Variants in SLC35F4 observed in about 807,000 individuals in gnomAD.
SLC35F4 encodes solute carrier family 35 member F4, also known as chromosome 14 open reading frame 36.
In SLC35F4, 24 loss-of-function variants were observed where a neutral mutation model predicts 44.2. The observed-to-expected ratio is 0.54, with a 90% confidence interval of 0.39 to 0.76. SLC35F4 has a LOEUF of 0.76. Among genes scored for constraint, SLC35F4 ranks in the 30% least tolerant of loss-of-function variants. The probability of loss-of-function intolerance (pLI) is 0.00; values close to 1 mark genes in which losing one functional copy is unlikely to be tolerated. For synonymous variants in SLC35F4, 238 were observed against 223.6 expected (o/e 1.06, Z -0.57); for missense variants, 562 against 586.1 (o/e 0.96, Z 0.42).
chr14:57,575,936 G>A (rs1245659963), intron 4 of SLC35F4, among the ~76,000 whole-genome samples: 1 of 152,044 alleles, frequency 6.6e-6, no homozygotes, highest in Non-Finnish European at 1.5e-5. Flanking sequence ...AGTTTGTACA[G>A]ATAAAGCCTA....
intron 4 of SLC35F4, among the ~76,000 whole-genome samples, chr14:57,574,436 C>G (rs1441344467): frequency 1.3e-5 from 2 of 152,012 alleles, no homozygotes; most frequent in Non-Finnish European, 2.9e-5. Context: ...GGGGGTCAGA[C>G]AATGCTGTTA....
chr14:57,579,758 G>A (rs1242711096), intron 4 of SLC35F4, among the ~76,000 whole-genome samples: 2 of 152,212 alleles, frequency 1.3e-5, no homozygotes, highest in Non-Finnish European at 2.9e-5. Flanking sequence ...AGTAGAGACA[G>A]CTGACTTCCT....
upstream of SLC35F4, among the ~76,000 whole-genome samples, chr14:57,866,995 A>ATAG (rs1888184531): frequency 6.9e-6 from 1 of 144,600 alleles, no homozygotes; most frequent in African/African-American, 2.6e-5. Flanking sequence ...AATAATAATA[A>ATAG]TAATAATTTT....
At chr14:57,742,571 A>T (rs553807139) in intron 1 of SLC35F4, among the ~76,000 whole-genome samples, 1 of 152,334 alleles carries the variant, frequency 6.6e-6, no homozygotes, top group East Asian at 1.9e-4. Context: ...AGATTCATAA[A>T]GCAAGTTCTT....
At chr14:57,701,649 C>A (rs549101425) in intron 1 of SLC35F4, among the ~76,000 whole-genome samples, 2 of 152,066 alleles carry the variant, frequency 1.3e-5, no homozygotes, top group South Asian at 2.1e-4. Context: ...ACCACTGTTG[C>A]GTATGTGGTC....
chr14:57,660,417 A>G (rs1407565698), intron 1 of SLC35F4, among the ~76,000 whole-genome samples: 1 of 151,660 alleles, frequency 6.6e-6, no homozygotes, highest in Non-Finnish European at 1.5e-5. Context: ...TGCTTCCATC[A>G]TGCTTCCTCA....
At position 57,786,384 on chromosome 14, in the gene SLC35F4, G is replaced by A. The variant is rs776991395; in HGVS notation, c.103+79339C>T. ...ATAATCTTGGGAGTTCTACGGCCCC[G>A]CCCACTGCTGGTCCCTCTCCACACT... On this transcript the variant is annotated intron_variant, in intron 1 of 7. Coordinates refer to ENST00000556826, the MANE Select transcript of SLC35F4 (RefSeq NM_001306087.2). Among the ~76,000 whole-genome samples the A allele has an allele frequency of 3.9e-5, 6 of 152,162 alleles. No homozygotes were observed. In the East Asian group the frequency reaches 5.8e-4, roughly 15 times the overall value.
intron 3 of SLC35F4, among the ~76,000 whole-genome samples, chr14:57,587,908 A>C (rs2069882059): frequency 1.4e-5 from 2 of 147,882 alleles, no homozygotes; most frequent in African/African-American, 4.9e-5. Context: ...AGTTGAGGCC[A>C]GGCACGCTGG....
At chr14:57,725,890 T>A (rs993738006) in intron 1 of SLC35F4, among the ~76,000 whole-genome samples, 9 of 152,206 alleles carry the variant, frequency 5.9e-5, no homozygotes, top group African/African-American at 2.2e-4. Flanking sequence ...AGTGATTCAC[T>A]AGCAAAATTT....
At chr14:57,689,748 G>A (rs2075172342) in intron 1 of SLC35F4, among the ~76,000 whole-genome samples, 1 of 127,918 alleles carries the variant, frequency 7.8e-6, no homozygotes. Context: ...GGGGTCGGGG[G>A]AGGGGGGAGG....
chr14:57,969,431 AAATAT>A (rs747589554), intron 1 of SLC35F4, among the ~76,000 whole-genome samples: 62 of 152,344 alleles, frequency 4.1e-4, no homozygotes, highest in Admixed American at 1.5e-3. Context: ...TTGCAAAATA[AAATAT>A]ATTTATTGAT....
At position 57,865,840 on chromosome 14, in the gene SLC35F4, G is replaced by T; in HGVS notation, c.-15C>A. 6.7e-7 allele frequency: 1 copy of T among 1,490,206 alleles called. No individual in the cohort carries two copies. Among genetic ancestry groups the T allele is most frequent in the Non-Finnish European group, 8.9e-7 (1 of 1,123,182 alleles). 92.3% of individuals were successfully genotyped at this position (1,490,206 alleles called of 1,614,324 possible). ...TTGACATCCATAGAGAGCGCGGGGC[G>T]ACGGCCCCGAGTGCGGCGGGGCGGA... On this transcript the variant is annotated 5_prime_UTR_variant, in exon 1 of 8. An upstream open reading frame in the 5' UTR gains an earlier in-frame stop. Coordinates refer to ENST00000556826, the MANE Select transcript of SLC35F4 (RefSeq NM_001306087.2).
chr14:57,981,373 C>T (rs1881377686), intron 1 of SLC35F4, among the ~76,000 whole-genome samples: 1 of 152,120 alleles, frequency 6.6e-6, no homozygotes, highest in Non-Finnish European at 1.5e-5. Flanking sequence ...TGCTTGGGTG[C>T]TTATTGATAT....
At chr14:57,803,052 T>G (rs1381672338) in intron 1 of SLC35F4, among the ~76,000 whole-genome samples, 1 of 145,512 alleles carries the variant, frequency 6.9e-6, no homozygotes, top group Admixed American at 6.8e-5. Context: ...GCAAAAATCC[T>G]CAGTAAAATA....
chr14:57,640,691 A>G (rs1453925721), intron 1 of SLC35F4, among the ~76,000 whole-genome samples: 3 of 152,050 alleles, frequency 2.0e-5, no homozygotes. Flanking sequence ...GTATAGTCAC[A>G]CAGAGCCCTG....
upstream of SLC35F4, among the ~76,000 whole-genome samples, chr14:57,867,225 C>A (rs1888192085): frequency 6.6e-6 from 1 of 152,126 alleles, no homozygotes; most frequent in East Asian, 1.9e-4. Context: ...ACCTATCACA[C>A]CATCCTGCCT....
At chr14:57,746,425 T>A (rs1474724224) in intron 1 of SLC35F4, among the ~76,000 whole-genome samples, 1 of 152,152 alleles carries the variant, frequency 6.6e-6, no homozygotes, top group East Asian at 1.9e-4. Flanking sequence ...ATATTATTTT[T>A]CTCTTTGCTA....
At chr14:57,639,631 T>C (rs1216830553) in intron 1 of SLC35F4, among the ~76,000 whole-genome samples, 3 of 152,038 alleles carry the variant, frequency 2.0e-5, no homozygotes, top group East Asian at 1.9e-4. Flanking sequence ...CAGGATATTA[T>C]TGCTTTCTTG....
intron 1 of SLC35F4, among the ~76,000 whole-genome samples, chr14:57,696,928 G>A (rs1315947838): frequency 6.6e-6 from 1 of 152,218 alleles, no homozygotes; most frequent in African/African-American, 2.4e-5. Context: ...GGGGTTGTGG[G>A]GGAAAGGGGA....
Sources: allele counts gnomAD v4.1 joint callset (sites outside exome capture counted in the v4.1 genomes callset), GRCh38; gene constraint gnomAD v4.1.1; transcripts MANE v1.5; gene names NCBI Gene and HGNC (gene_info 2026-07-23, HGNC 2026-07-21).